ABHD2: variants seen among roughly 807,000 people sequenced by gnomAD.
The protein encoded by ABHD2 is monoacylglycerol lipase ABHD2.
Under a neutral mutation model 48.1 loss-of-function variants are expected in ABHD2, and 20 were observed. The ratio of observed to expected loss-of-function variants is 0.42; its 90% confidence interval spans 0.29 to 0.60. ABHD2 has a LOEUF of 0.60. ABHD2 is among the 20% of genes least tolerant of loss of function. ABHD2 has a pLI of 0.24. For synonymous variants in ABHD2, 209 were observed against 214.2 expected (o/e 0.98, Z 0.21); for missense variants, 405 against 550.9 (o/e 0.74, Z 2.65).
chr15:89,067,655 C>T, the ABHD2 span, among the ~76,000 whole-genome samples: 1 of 152,202 alleles, frequency 6.6e-6, no homozygotes, highest in African/African-American at 2.4e-5. Context: ...CATGCAAGCC[C>T]TGCCTCAGCC....
rs1356804121 is a variant in ABHD2 at position 89,168,942 on chromosome 15, A to G, written c.539-6870A>G. Among the ~76,000 whole-genome samples the G allele has an allele frequency of 6.6e-6, 1 of 152,092 alleles. No homozygotes were observed. The highest frequency in any genetic ancestry group is 1.5e-5 in the Non-Finnish European group (1 of 68,020). On this transcript the variant is annotated intron_variant, in intron 5 of 10. Transcript: ENST00000352732. The surrounding 1 kb of genome is among the most constrained non-coding windows in gnomAD (Gnocchi z 4.8). ...CGCCCATCTCTACAAAAAATCAGAA[A>G]TTAGCTGGGTTTGGTGGCATGTGCC...
intron 5 of ABHD2, among the ~76,000 whole-genome samples, chr15:89,157,634 G>A (rs565437120): frequency 1.7e-4 from 26 of 152,264 alleles, no homozygotes; most frequent in African/African-American, 6.3e-4. Flanking sequence ...ACGAGGTCAG[G>A]AGATGGAGAC....
At chr15:89,057,935 C>T in the ABHD2 span, among the ~76,000 whole-genome samples, 2 of 152,150 alleles carry the variant, frequency 1.3e-5, no homozygotes, top group African/African-American at 4.8e-5. Context: ...TCTACCCAGT[C>T]CATCAGGGAC....
In ABHD2 at chr15:89,168,122, G is replaced by A. The variant is rs2050864752; in HGVS notation, c.539-7690G>A. On this transcript the variant is annotated intron_variant, in intron 5 of 10. Transcript: ENST00000352732. The surrounding 1 kb of genome is among the most constrained non-coding windows in gnomAD (Gnocchi z 4.8). ...TATTTAGTCATGCTAGTGTCATTTG[G>A]GGAAGTGGCTGTTGAAATAATAGCT... Among the ~76,000 whole-genome samples, 1 of 152,164 alleles carries A rather than the reference G, an allele frequency of 6.6e-6. No homozygotes were observed.
At chr15:89,194,050 C>G (rs1596168999) in intron 10 of ABHD2, among the ~76,000 whole-genome samples, 1 of 152,206 alleles carries the variant, frequency 6.6e-6, no homozygotes, top group South Asian at 2.1e-4. Flanking sequence ...ATGATTGTGC[C>G]ACTGCACTCC....
the ABHD2 span, among the ~76,000 whole-genome samples, chr15:89,060,004 C>T: frequency 1.3e-5 from 2 of 150,034 alleles, no homozygotes; most frequent in South Asian, 2.1e-4. Context: ...CCATTCAAAG[C>T]GGGAACTGGA....
At chr15:89,118,515 T>G (rs293372) in intron 3 of ABHD2, among the ~76,000 whole-genome samples, 74,362 of 151,914 alleles carry the variant, frequency 0.49, 19,532 homozygotes, top group African/African-American at 0.67. Context: ...ACTTCGACTG[T>G]TACTGAAATT....
chr15:89,130,439 A>C (rs1432633932), intron 3 of ABHD2, among the ~76,000 whole-genome samples: 2 of 151,850 alleles, frequency 1.3e-5, no homozygotes, highest in African/African-American at 4.8e-5. Flanking sequence ...TTCCTTTCCC[A>C]TTTCATTGGT....
At chr15:89,134,230 C>T (rs2050267224) in intron 3 of ABHD2, among the ~76,000 whole-genome samples, 1 of 151,968 alleles carries the variant, frequency 6.6e-6, no homozygotes, top group African/African-American at 2.4e-5. Context: ...AGGTCTTCTT[C>T]ACTGCAAGAT....
In ABHD2 at chr15:89,088,481, T is replaced by G. The variant is rs1901452431; in HGVS notation, c.-189T>G. On this transcript the variant is annotated 5_prime_UTR_variant, in exon 1 of 11. Transcript: ENST00000352732. This position sits in a 1 kb window ranked among gnomAD's most constrained non-coding sequence, Gnocchi z 6.8. ...GCACTGGCCAGGGGTTCCGGCTGTA[T>G]ATCCATGAGCGCCGCTGGCAGCCGG... is the stretch of plus-strand genomic sequence containing the variant. 6.6e-6 allele frequency: 1 copy of G among 152,640 alleles called. No homozygotes were observed. The highest frequency in any genetic ancestry group is 2.4e-5 in the African/African-American group (1 of 41,448). The allele number at this position is 152,640 out of a possible 1,614,324, so 9.5% of individuals were successfully genotyped here. A position where few individuals can be genotyped will look rare whatever the true frequency, so the allele number is the denominator to read the frequency against.
chr15:89,069,919 A>T, the ABHD2 span, among the ~76,000 whole-genome samples: 1 of 152,096 alleles, frequency 6.6e-6, no homozygotes, highest in African/African-American at 2.4e-5. Context: ...GCCTCAAGTG[A>T]TCCACCTGCC....
chr15:89,045,783 A>G, the ABHD2 span, among the ~76,000 whole-genome samples: 4 of 152,236 alleles, frequency 2.6e-5, no homozygotes, highest in Non-Finnish European at 1.5e-5. Flanking sequence ...TTATCAGCTT[A>G]AGGAGATTTT....
chr15:89,148,312 C>A (rs554270226), intron 3 of ABHD2, among the ~76,000 whole-genome samples: 2 of 152,148 alleles, frequency 1.3e-5, no homozygotes, highest in South Asian at 4.1e-4. Context: ...GACTAGTAAA[C>A]ATGAATCAGC....
the ABHD2 span, chr15:89,041,194 G>C: frequency 6.6e-6 from 1 of 152,238 alleles, no homozygotes; most frequent in African/African-American, 2.4e-5. Context: ...TGCCATTCTG[G>C]AACTGGATCC....
chr15:89,144,229 G>A (rs578094986), intron 3 of ABHD2, among the ~76,000 whole-genome samples: 15 of 152,268 alleles, frequency 9.9e-5, no homozygotes, highest in Middle Eastern at 3.4e-3. Flanking sequence ...CGCCTCCTGG[G>A]TTCAAGCAAT....
chr15:89,048,776 A>G, the ABHD2 span, among the ~76,000 whole-genome samples: 2 of 151,844 alleles, frequency 1.3e-5, no homozygotes, highest in Non-Finnish European at 2.9e-5. Context: ...TCTCTGTATT[A>G]GTTATTCTAG....
At chr15:89,095,808 C>G (rs1476757008) in intron 1 of ABHD2, among the ~76,000 whole-genome samples, 1 of 152,108 alleles carries the variant, frequency 6.6e-6, no homozygotes, top group Non-Finnish European at 1.5e-5. Context: ...ATTACAAACT[C>G]AGACGTTTTG....
intron 5 of ABHD2, among the ~76,000 whole-genome samples, chr15:89,170,143 C>T (rs1214870450): frequency 8.6e-6 from 1 of 115,680 alleles, no homozygotes; most frequent in Non-Finnish European, 1.6e-5. Flanking sequence ...GTCACTCAGA[C>T]TGGAGTGTAG....
At chr15:89,153,464 C>T (rs894956487) in intron 4 of ABHD2, among the ~76,000 whole-genome samples, 1 of 152,168 alleles carries the variant, frequency 6.6e-6, no homozygotes. Context: ...GCTTTTTCTT[C>T]TTCTACCACT....
Sources: gnomAD v4.1 joint callset for allele counts (sites outside exome capture counted in the v4.1 genomes callset) on GRCh38, gnomAD v4.1.1 for gene constraint, Gnocchi (gnomAD v3.1) non-coding constraint, MANE v1.5 for transcripts, NCBI Gene and HGNC (gene_info 2026-07-23, HGNC 2026-07-21) for gene names.